SLC5A4: variants seen among roughly 807,000 people sequenced by gnomAD.
SLC5A4 encodes the protein probable glucose sensor protein SLC5A4.
A neutral mutation model predicts 70.3 loss-of-function variants in SLC5A4; 55 were observed. The observed-to-expected ratio is 0.78, with a 90% CI of 0.63 to 0.98. The LOEUF (loss-of-function observed/expected upper bound fraction) is 0.98, where lower values mean the gene tolerates loss of function less well. SLC5A4 is among the 50% of genes least tolerant of loss of function. The pLI, the probability that SLC5A4 is intolerant of heterozygous loss-of-function variation, is 0.00. For missense variants in SLC5A4, 735 were observed against 839.2 expected (o/e 0.88, Z 1.53); for synonymous variants, 268 against 305.7 (o/e 0.88, Z 1.29).
the SLC5A4 span, among the ~76,000 whole-genome samples, chr22:32,283,468 C>A: frequency 6.6e-6 from 1 of 152,342 alleles, no homozygotes; most frequent in Non-Finnish European, 1.5e-5. Flanking sequence ...CCATCACTTG[C>A]TTAAGTCTAG....
chr22:32,324,171 G>A, the SLC5A4 span, among the ~76,000 whole-genome samples: 321 of 149,736 alleles, frequency 2.1e-3, 4 homozygotes, highest in African/African-American at 7.4e-3. Context: ...TCTCATGCCA[G>A]TGGTGAAAAT....
the SLC5A4 span, among the ~76,000 whole-genome samples, chr22:32,324,579 C>T: frequency 6.6e-6 from 1 of 152,290 alleles, no homozygotes; most frequent in African/African-American, 2.4e-5. Flanking sequence ...CACTGGGCGC[C>T]CCTTCAGCGC....
In SLC5A4 at chr22:32,218,662, T is replaced by C. The variant is rs141324912; in HGVS notation, c.1832A>G (p.Lys611Arg). 20 of 1,613,922 alleles carry C rather than the reference T, an allele frequency of 1.2e-5. No individual in the cohort carries two copies. The highest frequency in any genetic ancestry group is 3.3e-5 in the Admixed American group (2 of 59,986). The change falls in exon 15 of 15, where the codon AAG becomes AGG. Residue 611 changes from lysine (K) to arginine (R), a missense_variant. Coordinates refer to ENST00000266086, the MANE Select transcript of SLC5A4 (RefSeq NM_014227.3). ...CTCCTCCTTGGTTAGCTTGGGTCCC[T>C]TCTGCAAACCGCAGAACAAGTCATA... Reference protein sequence around the residue: ...KAYDLFCGLQKGPKLTKEEEE... With the variant: ...KAYDLFCGLQRGPKLTKEEEE...
chr22:32,274,114 G>A, the SLC5A4 span, among the ~76,000 whole-genome samples: 190 of 149,650 alleles, frequency 1.3e-3, no homozygotes, highest in Middle Eastern at 6.8e-3. Context: ...ATCTCGGCTC[G>A]CTGCAAGCTC....
At position 32,235,109 on chromosome 22, in the gene SLC5A4, A is replaced by G; in HGVS notation, c.665-16T>C. On this transcript the variant is annotated splice_polypyrimidine_tract_variant and intron_variant, in intron 7 of 14. Coordinates refer to ENST00000266086, the MANE Select transcript of SLC5A4 (RefSeq NM_014227.3). ...TCGTTAAATGCTAAAAAGGCATCAG[A>G]GTAAAATGAGATGTCTTACTGAAAT... 6.4e-7 allele frequency: 1 copy of G among 1,570,106 alleles called. No individual in the cohort carries two copies. The highest frequency in any genetic ancestry group is 8.8e-7 in the Non-Finnish European group (1 of 1,142,132).
chr22:32,330,193 T>G, the SLC5A4 span, among the ~76,000 whole-genome samples: 1 of 78,512 alleles, frequency 1.3e-5, no homozygotes, highest in Non-Finnish European at 2.5e-5. Flanking sequence ...CTTTGGTATG[T>G]GTGTTGGGCC....
chr22:32,285,390 C>T, the SLC5A4 span, among the ~76,000 whole-genome samples: 1 of 152,188 alleles, frequency 6.6e-6, no homozygotes, highest in Admixed American at 6.5e-5. Flanking sequence ...ACCCTTTTCT[C>T]ACACAGCTGC....
At chr22:32,305,848 C>T in the SLC5A4 span, among the ~76,000 whole-genome samples, 4 of 151,498 alleles carry the variant, frequency 2.6e-5, no homozygotes, top group East Asian at 3.9e-4. Context: ...CCACCCCCCA[C>T]GTGCTTTCGG....
the SLC5A4 span, among the ~76,000 whole-genome samples, chr22:32,282,273 G>A: frequency 6.6e-6 from 1 of 152,092 alleles, no homozygotes; most frequent in Non-Finnish European, 1.5e-5. Flanking sequence ...AATGAAGTCA[G>A]CAGTGACCCC....
chr22:32,271,865 C>T, the SLC5A4 span: 1 of 602,984 alleles, frequency 1.7e-6, no homozygotes, highest in Admixed American at 2.0e-5. Context: ...CTGCACGGTC[C>T]ACTGTGTGGC....
At chr22:32,314,312 C>A in the SLC5A4 span, among the ~76,000 whole-genome samples, 1 of 152,162 alleles carries the variant, frequency 6.6e-6, no homozygotes, top group Non-Finnish European at 1.5e-5. Flanking sequence ...GTCTTCCCCA[C>A]ATAGAAAGTT....
chr22:32,291,235 T>C, the SLC5A4 span, among the ~76,000 whole-genome samples: 1 of 150,568 alleles, frequency 6.6e-6, no homozygotes, highest in Non-Finnish European at 1.5e-5. Flanking sequence ...ATGGAGTCTT[T>C]CTCTGTTACC....
intron 7 of SLC5A4, among the ~76,000 whole-genome samples, chr22:32,235,324 A>G (rs1383004449): frequency 3.3e-5 from 5 of 152,072 alleles, no homozygotes; most frequent in African/African-American, 9.7e-5. Flanking sequence ...GTCTTCCTAT[A>G]TTGCTCTTTG....
chr22:32,297,508 A>T, the SLC5A4 span, among the ~76,000 whole-genome samples: 1 of 101,884 alleles, frequency 9.8e-6, no homozygotes, highest in African/African-American at 3.7e-5. Flanking sequence ...TATCCCCTTT[A>T]TCATTTTTTA....
intron 13 of SLC5A4, 93 bp downstream of exon 13, chr22:32,224,174 C>A: frequency 2.2e-6 from 2 of 925,962 alleles, no homozygotes; most frequent in South Asian, 1.5e-5. Context: ...CCCGCCTTGG[C>A]CTCCCAAAGT....
chr22:32,332,602 G>A, the SLC5A4 span, among the ~76,000 whole-genome samples: 1 of 152,216 alleles, frequency 6.6e-6, no homozygotes, highest in African/African-American at 2.4e-5. Flanking sequence ...CAGGGCCGGA[G>A]GCTGCCCTGG....
chr22:32,309,654 T>C, the SLC5A4 span, among the ~76,000 whole-genome samples: 1 of 151,876 alleles, frequency 6.6e-6, no homozygotes, highest in Non-Finnish European at 1.5e-5. Context: ...GGGGATTGAA[T>C]ACACACACAC....
the SLC5A4 span, among the ~76,000 whole-genome samples, chr22:32,315,586 G>T: frequency 1.3e-5 from 2 of 152,130 alleles, no homozygotes; most frequent in East Asian, 3.9e-4. Flanking sequence ...TAATTATGAA[G>T]ATAACCATGG....
the SLC5A4 span, chr22:32,269,623 C>A: frequency 3.3e-6 from 2 of 608,792 alleles, no homozygotes; most frequent in Non-Finnish European, 3.2e-6. The surrounding 1 kb of genome is among the most constrained non-coding windows in gnomAD (Gnocchi z 4.1). Flanking sequence ...CTGGCCGTAC[C>A]CAAGCCCATA....
Sources: gnomAD v4.1 joint callset for allele counts (sites outside exome capture counted in the v4.1 genomes callset) on GRCh38, gnomAD v4.1.1 for gene constraint, Gnocchi (gnomAD v3.1) non-coding constraint, MANE v1.5 for transcripts, NCBI Gene and HGNC (gene_info 2026-07-23, HGNC 2026-07-21) for gene names.